The following B3GALT1 variants were observed in gnomAD, a reference collection of about 807,000 sequenced individuals.
B3GALT1 encodes the protein beta-1,3-galactosyltransferase 1, also known as UDP-Gal:betaGlcNAc beta 1,3-galactosyltransferase, polypeptide 1.
B3GALT1 carries 10 observed loss-of-function variants against 23.2 expected under a neutral mutation model. That is an observed-to-expected ratio of 0.43 (90% CI 0.27 to 0.73). B3GALT1 has a LOEUF of 0.73. B3GALT1 is among the 30% of genes least tolerant of loss of function. The probability of loss-of-function intolerance (pLI) is 0.21; values close to 1 mark genes in which losing one functional copy is unlikely to be tolerated. For synonymous variants in B3GALT1, 156 were observed against 141.5 expected, an observed-to-expected ratio of 1.10 and a Z score of -0.73; for missense variants, 299 against 405.4, an observed-to-expected ratio of 0.74 and a Z score of 2.25.
At chr2:167,506,636 A>G (rs1699922695) in intron 2 of B3GALT1, among the ~76,000 whole-genome samples, 1 of 152,244 alleles carries the variant, frequency 6.6e-6, no homozygotes, top group Admixed American at 6.5e-5. Context: ...GGAGGTGAAT[A>G]AGACTTAGAA....
chr2:167,435,390 A>G (rs1364339475), intron 1 of B3GALT1, among the ~76,000 whole-genome samples: 1 of 148,824 alleles, frequency 6.7e-6, no homozygotes, highest in Non-Finnish European at 1.5e-5. Flanking sequence ...GAAAAAGGGA[A>G]GAAAAGCCTT....
intron 2 of B3GALT1, among the ~76,000 whole-genome samples, chr2:167,499,427 C>G (rs1047374960): frequency 6.6e-5 from 10 of 151,928 alleles, no homozygotes; most frequent in Non-Finnish European, 2.9e-5. Flanking sequence ...GGTAATGATC[C>G]AGTTTATTTG....
intron 2 of B3GALT1, among the ~76,000 whole-genome samples, chr2:167,507,743 C>T (rs943692270): frequency 6.6e-6 from 1 of 151,912 alleles, no homozygotes; most frequent in Admixed American, 6.6e-5. Context: ...GGTAATTGAA[C>T]ATTTACCTTA....
chr2:167,495,715 C>A (rs1699774701), intron 2 of B3GALT1, among the ~76,000 whole-genome samples: 2 of 152,046 alleles, frequency 1.3e-5, no homozygotes, highest in Admixed American at 6.6e-5. Context: ...CTTTTCCTTC[C>A]AGGTTTTATC....
At chr2:167,776,375 C>T (rs1688162732) in intron 3 of B3GALT1, among the ~76,000 whole-genome samples, 1 of 152,204 alleles carries the variant, frequency 6.6e-6, no homozygotes, top group South Asian at 2.1e-4. Context: ...TCCCTACCCA[C>T]TCCGAGTTCT....
intron 3 of B3GALT1, among the ~76,000 whole-genome samples, chr2:167,712,572 G>A (rs760644758): frequency 4.2e-4 from 64 of 151,898 alleles, no homozygotes; most frequent in Non-Finnish European, 6.8e-4. Context: ...AAAGTTTTGC[G>A]GGGTTTGTTT....
chr2:167,856,109 G>A (rs1161045116), intron 4 of B3GALT1, among the ~76,000 whole-genome samples: 1 of 152,122 alleles, frequency 6.6e-6, no homozygotes, highest in African/African-American at 2.4e-5. Context: ...CTATGTCGAT[G>A]AACAAAAACT....
intron 2 of B3GALT1, among the ~76,000 whole-genome samples, chr2:167,543,756 G>C (rs552738992): frequency 6.6e-6 from 1 of 152,212 alleles, no homozygotes; most frequent in Non-Finnish European, 1.5e-5. Context: ...TGCAGCCTCT[G>C]ACCTTGAATG....
At chr2:167,833,508 T>G (rs1025016034) in intron 4 of B3GALT1, among the ~76,000 whole-genome samples, 5 of 152,212 alleles carry the variant, frequency 3.3e-5, no homozygotes, top group African/African-American at 1.2e-4. Flanking sequence ...ATGAATCAGA[T>G]GAAACTCACT....
chr2:167,513,870 C>G (rs1700063871), intron 2 of B3GALT1, among the ~76,000 whole-genome samples: 1 of 151,698 alleles, frequency 6.6e-6, no homozygotes, highest in Non-Finnish European at 1.5e-5. Context: ...TTTGCTTTTC[C>G]CTATTACATG....
At chr2:167,444,980 C>A (rs1021708353) in intron 1 of B3GALT1, among the ~76,000 whole-genome samples, 2 of 152,100 alleles carry the variant, frequency 1.3e-5, no homozygotes, top group African/African-American at 4.8e-5. Flanking sequence ...TAGATCTTTC[C>A]TGCTTTCTCT....
chr2:167,584,066 T>C (rs1684539812), intron 2 of B3GALT1, among the ~76,000 whole-genome samples: 1 of 152,104 alleles, frequency 6.6e-6, no homozygotes, highest in Non-Finnish European at 1.5e-5. Context: ...AGCAGGGAAC[T>C]AAGATCCCAT....
At chr2:167,627,786 C>G (rs1019412803) in intron 2 of B3GALT1, among the ~76,000 whole-genome samples, 1 of 151,532 alleles carries the variant, frequency 6.6e-6, no homozygotes, top group African/African-American at 2.4e-5. Context: ...CATTTGTGTT[C>G]CCACCAGCCA....
chr2:167,813,727 C>T lies in B3GALT1; in HGVS notation c.-351-4945C>T, dbSNP rs376894502. 2.6e-4 allele frequency among the ~76,000 whole-genome samples: 40 copies of T among 152,276 alleles called. No individual in the cohort carries two copies. The South Asian group carries it at 7.9e-3, about 30-fold the overall frequency. On this transcript the variant is annotated intron_variant, in intron 3 of 4. Transcript: ENST00000392690. ...AGAAAGAACTCTGATACATGTGCAG[C>T]TTTGTTCAGAATAGTACCCTTAAAT...
At chr2:167,298,652 A>C (rs548161673) in intron 1 of B3GALT1, among the ~76,000 whole-genome samples, 2 of 152,214 alleles carry the variant, frequency 1.3e-5, no homozygotes, top group African/African-American at 4.8e-5. Context: ...ATAGAATAGA[A>C]TTGCTAAAAT....
At chr2:167,706,320 T>C (rs1386786626) in intron 3 of B3GALT1, among the ~76,000 whole-genome samples, 1 of 152,228 alleles carries the variant, frequency 6.6e-6, no homozygotes, top group East Asian at 1.9e-4. Flanking sequence ...TTAATTAAAA[T>C]TTCCAAAGGT....
At chr2:167,812,978 C>CACACACACA (rs1558987849) in intron 3 of B3GALT1, among the ~76,000 whole-genome samples, 2 of 121,832 alleles carry the variant, frequency 1.6e-5, no homozygotes, top group Non-Finnish European at 3.3e-5. Context: ...CACACACACA[C>CACACACACA]GCACCACCAC....
At chr2:167,368,549 C>T (rs1183130794) in intron 1 of B3GALT1, among the ~76,000 whole-genome samples, 1 of 152,140 alleles carries the variant, frequency 6.6e-6, no homozygotes, top group Admixed American at 6.5e-5. Flanking sequence ...AGTAAAATAG[C>T]ATTTTCAGCA....
At chr2:167,642,063 G>T (rs539809281) in intron 2 of B3GALT1, among the ~76,000 whole-genome samples, 54 of 152,256 alleles carry the variant, frequency 3.5e-4, no homozygotes, top group African/African-American at 1.2e-3. Flanking sequence ...AAATCACTCA[G>T]TCCATCTCTG....
Sources: gnomAD v4.1 joint callset for allele counts (sites outside exome capture counted in the v4.1 genomes callset) on GRCh38, gnomAD v4.1.1 for gene constraint, MANE v1.5 for transcripts, NCBI Gene and HGNC (gene_info 2026-07-23, HGNC 2026-07-21) for gene names.